Variants in RCC1 observed in about 807,000 individuals in gnomAD.
RCC1 encodes the protein regulator of chromosome condensation.
RCC1 carries 11 observed loss-of-function variants against 44.4 expected under a neutral mutation model. The ratio of observed to expected loss-of-function variants is 0.25; its 90% confidence interval spans 0.16 to 0.41. The LOEUF is 0.41. Ranked by LOEUF, RCC1 falls within the 10% of genes least tolerant of loss-of-function variation. The probability of loss-of-function intolerance (pLI) is 1.00; values close to 1 mark genes in which losing one functional copy is unlikely to be tolerated. For missense variants in RCC1, 386 were observed against 547.1 expected, an observed-to-expected ratio of 0.71 and a Z score of 2.94; for synonymous variants, 213 against 216.5, an observed-to-expected ratio of 0.98 and a Z score of 0.14.
chr1:28,511,157 C>A (rs2124606223), intron 3 of RCC1, among the ~76,000 whole-genome samples: 1 of 152,234 alleles, frequency 6.6e-6, no homozygotes, highest in East Asian at 1.9e-4. Context: ...GGGTTTGAAT[C>A]CTGATCCCAC....
At chr1:28,537,754 A>G in intron 12 of RCC1, 78 bp from the exon 13 acceptor site, 1 of 1,446,212 alleles carries the variant, frequency 6.9e-7, no homozygotes, top group Non-Finnish European at 9.3e-7. Flanking sequence ...GTCCACGCCC[A>G]TGTCCCAGGT....
At chr1:28,507,392 C>T (rs1403249161) in intron 1 of RCC1, 1 of 519,104 alleles carries the variant, frequency 1.9e-6, no homozygotes, top group South Asian at 1.4e-5. Context: ...CGGGAGGTCA[C>T]TCTCCCCGGG....
intron 3 of RCC1, among the ~76,000 whole-genome samples, chr1:28,511,260 TG>T (rs761754800): frequency 4.7e-4 from 72 of 152,264 alleles, no homozygotes; most frequent in Non-Finnish European, 8.5e-4. Context: ...CTCATAGAGT[TG>T]TAATAAGGAC....
At chr1:28,530,637 C>A (rs986257983) in intron 5 of RCC1, 42 of 1,580,334 alleles carry the variant, frequency 2.7e-5, no homozygotes, top group Non-Finnish European at 3.5e-5. Context: ...CCCGGGGCGC[C>A]CTCTGTGCTG....
intron 4 of RCC1, among the ~76,000 whole-genome samples, chr1:28,528,351 G>A (rs1663828008): frequency 1.3e-5 from 2 of 152,296 alleles, no homozygotes; most frequent in African/African-American, 4.8e-5. Context: ...AGCTACTCGA[G>A]AGGCTGAGGC....
At chr1:28,529,305 T>A (rs375121062) in intron 4 of RCC1, among the ~76,000 whole-genome samples, 72 of 147,000 alleles carry the variant, frequency 4.9e-4, no homozygotes, top group African/African-American at 1.7e-3. Flanking sequence ...TGCCTCAGCC[T>A]CCTGAGTAGC....
chr1:28,528,905 G>T (rs1452272989), intron 4 of RCC1, among the ~76,000 whole-genome samples: 1 of 145,050 alleles, frequency 6.9e-6, no homozygotes, highest in Non-Finnish European at 1.5e-5. Context: ...TCCCAGGCTG[G>T]AGTGCTGAGT....
At chr1:28,520,302 C>G (rs1388174796) in intron 4 of RCC1, among the ~76,000 whole-genome samples, 1 of 152,210 alleles carries the variant, frequency 6.6e-6, no homozygotes, top group Non-Finnish European at 1.5e-5. Flanking sequence ...CTGCAGTGGC[C>G]TGGGAGGGCT....
At chr1:28,532,049 A>G (rs1213236874) in intron 6 of RCC1, 59 bp downstream of exon 6, 2 of 1,555,032 alleles carry the variant, frequency 1.3e-6, no homozygotes, top group Non-Finnish European at 1.7e-6. Context: ...GGCTTGGGGC[A>G]GGGCTTTTGA....
At chr1:28,528,132 C>T (rs1419083078) in intron 4 of RCC1, among the ~76,000 whole-genome samples, 2 of 151,900 alleles carry the variant, frequency 1.3e-5, no homozygotes. Flanking sequence ...CCAGCCTGGC[C>T]AACATGGTGA....
chr1:28,516,138 G>A (rs902364162), intron 3 of RCC1, among the ~76,000 whole-genome samples: 2 of 151,818 alleles, frequency 1.3e-5, no homozygotes, highest in Non-Finnish European at 2.9e-5. Context: ...AGCTGAAATC[G>A]TGCCATTGCA....
chr1:28,514,704 T>C (rs2124614892), intron 3 of RCC1, among the ~76,000 whole-genome samples: 1 of 151,068 alleles, frequency 6.6e-6, no homozygotes, highest in African/African-American at 2.4e-5. Flanking sequence ...GAGGTTGCAG[T>C]GAGCCGAGAT....
intron 7 of RCC1, 120 bp downstream of exon 7, chr1:28,532,470 A>C: frequency 8.9e-7 from 1 of 1,121,850 alleles, no homozygotes; most frequent in Admixed American, 2.5e-5. Context: ...GAAAGCCCAC[A>C]GGTAGAGCTG....
intron 4 of RCC1, among the ~76,000 whole-genome samples, chr1:28,524,045 C>A (rs935089144): frequency 6.6e-6 from 1 of 152,210 alleles, no homozygotes; most frequent in Non-Finnish European, 1.5e-5. Context: ...GAACTCCTGA[C>A]CTCAGGTGAT....
chr1:28,511,166 A>G (rs1318846449), intron 3 of RCC1, among the ~76,000 whole-genome samples: 2 of 152,064 alleles, frequency 1.3e-5, no homozygotes, highest in Non-Finnish European at 2.9e-5. Context: ...TCCTGATCCC[A>G]CCACTTGCTG....
intron 5 of RCC1, among the ~76,000 whole-genome samples, chr1:28,530,157 C>CAAA (rs71805038): frequency 3.4e-5 from 4 of 119,034 alleles, no homozygotes; most frequent in Non-Finnish European, 5.3e-5. Context: ...AGCACTGGCA[C>CAAA]AAAAAAAAAA....
intron 4 of RCC1, 52 bp downstream of exon 4, chr1:28,516,919 G>A (rs991134457): frequency 2.2e-4 from 98 of 449,346 alleles, no homozygotes; most frequent in Middle Eastern, 1.7e-3. Context: ...CTGCATATAA[G>A]AATTCAGCCT....
At chr1:28,508,992 T>C (rs1196496139) in intron 3 of RCC1, 87 bp downstream of exon 3, 1 of 438,244 alleles carries the variant, frequency 2.3e-6, no homozygotes, top group Non-Finnish European at 4.5e-6. Flanking sequence ...TCATGCCTCC[T>C]TTTGAGAGTC....
chr1:28,533,845 CTTTTTTTTTTTTTTTTTT>C (rs1168443435), intron 7 of RCC1, among the ~76,000 whole-genome samples: 18 of 46,852 alleles, frequency 3.8e-4, no homozygotes, highest in African/African-American at 5.7e-4. Flanking sequence ...CTTTTCTTTT[CTTTTTTTTTTTTTTTTTT>C]TTTTTTTTTT....
Sources: allele counts gnomAD v4.1 joint callset (sites outside exome capture counted in the v4.1 genomes callset), GRCh38; gene constraint gnomAD v4.1.1; transcripts MANE v1.5; gene names NCBI Gene and HGNC (gene_info 2026-07-23, HGNC 2026-07-21).